Variants in RPS6KC1 observed in about 807,000 individuals in gnomAD.
RPS6KC1 encodes inactive ribosomal protein S6 kinase delta-1.
RPS6KC1 carries 54 observed loss-of-function variants against 103.8 expected under a neutral mutation model. The ratio of observed to expected loss-of-function variants is 0.52; its 90% CI spans 0.42 to 0.65. RPS6KC1 has a LOEUF of 0.65. Ranked by LOEUF, RPS6KC1 falls within the 30% of genes least tolerant of loss-of-function variation. RPS6KC1 has a pLI of 0.00. For synonymous variants in RPS6KC1, 439 were observed against 438.7 expected (o/e 1.00, Z -0.01); for missense variants, 1,151 against 1,253.8 (o/e 0.92, Z 1.24).
intron 14 of RPS6KC1, among the ~76,000 whole-genome samples, chr1:213,267,097 AG>A (rs1395442378): frequency 6.6e-6 from 1 of 151,878 alleles, no homozygotes; most frequent in African/African-American, 2.4e-5. Flanking sequence ...GCACAGGAAC[AG>A]GGAGTGGGCC....
chr1:213,253,678 C>T (rs779227340), intron 12 of RPS6KC1, among the ~76,000 whole-genome samples: 11 of 152,112 alleles, frequency 7.2e-5, no homozygotes, highest in Non-Finnish European at 1.5e-4. Context: ...CTTAGATAAA[C>T]GTATGTCATG....
chr1:213,060,468 G>A (rs1012180587), intron 1 of RPS6KC1, among the ~76,000 whole-genome samples: 4 of 152,152 alleles, frequency 2.6e-5, no homozygotes, highest in Admixed American at 6.5e-5. Context: ...GGCTCTCAAG[G>A]TGTCTTGTGT....
chr1:213,803,241 T>A, the RPS6KC1 span, among the ~76,000 whole-genome samples: 1 of 114,030 alleles, frequency 8.8e-6, no homozygotes, highest in East Asian at 3.4e-4. Context: ...AGGCAGTGGC[T>A]TTTTTTTTTT....
At chr1:213,462,866 G>T in the RPS6KC1 span, among the ~76,000 whole-genome samples, 1 of 152,106 alleles carries the variant, frequency 6.6e-6, no homozygotes, top group African/African-American at 2.4e-5. Flanking sequence ...AAACCTGCAC[G>T]TTTGGCACAT....
In RPS6KC1 at chr1:213,156,671, T is replaced by C. The variant is rs554143085; in HGVS notation, c.836-11187T>C. Among the ~76,000 whole-genome samples, 21 of 152,266 alleles carry C rather than the reference T, an allele frequency of 1.4e-4. 1 individual carries two copies. Among genetic ancestry groups the C allele is most frequent in the African/African-American group, 5.1e-4 (21 of 41,552 alleles). ...CGTGTTGAAAACAATGTAAGAGAGATGACAATTGATGAATATATCTGAGTA... is the reference window on the plus strand; with the variant it reads ...CGTGTTGAAAACAATGTAAGAGAGACGACAATTGATGAATATATCTGAGTA... On this transcript the variant is annotated intron_variant, in intron 6 of 14. Coordinates refer to ENST00000366960, the MANE Select transcript of RPS6KC1 (RefSeq NM_012424.6).
chr1:213,083,041 G>T (rs546929878), intron 3 of RPS6KC1, among the ~76,000 whole-genome samples: 1 of 152,120 alleles, frequency 6.6e-6, no homozygotes. Flanking sequence ...TATCACTTTT[G>T]TTTAATTGAG....
At chr1:213,400,793 G>A in the RPS6KC1 span, among the ~76,000 whole-genome samples, 45 of 151,298 alleles carry the variant, frequency 3.0e-4, no homozygotes, top group Non-Finnish European at 5.2e-4. Context: ...TGCAAGCTCC[G>A]CCTTCCAGGT....
the RPS6KC1 span, among the ~76,000 whole-genome samples, chr1:213,564,655 C>T: frequency 6.6e-6 from 1 of 152,288 alleles, no homozygotes; most frequent in East Asian, 1.9e-4. Flanking sequence ...TACCCCTTTT[C>T]CTCAAAGGTC....
At chr1:213,544,410 A>G in the RPS6KC1 span, among the ~76,000 whole-genome samples, 1 of 152,184 alleles carries the variant, frequency 6.6e-6, no homozygotes. Flanking sequence ...CACTTTTTAT[A>G]TACAGGAATT....
chr1:213,593,012 A>G, the RPS6KC1 span, among the ~76,000 whole-genome samples: 1 of 152,186 alleles, frequency 6.6e-6, no homozygotes, highest in Non-Finnish European at 1.5e-5. Context: ...CTCACATATG[A>G]TAAGAAGAAA....
At chr1:213,263,829 A>T (rs367730577) in intron 14 of RPS6KC1, among the ~76,000 whole-genome samples, 2 of 152,194 alleles carry the variant, frequency 1.3e-5, no homozygotes, top group East Asian at 1.9e-4. Flanking sequence ...TACTGTGGCA[A>T]GTCAAAAGAA....
intron 4 of RPS6KC1, among the ~76,000 whole-genome samples, chr1:213,115,910 C>T (rs1375661756): frequency 2.6e-5 from 4 of 152,172 alleles, no homozygotes; most frequent in East Asian, 1.9e-4. Flanking sequence ...GCACTGTGGT[C>T]TGAGAGATAT....
chr1:213,532,335 G>A, the RPS6KC1 span, among the ~76,000 whole-genome samples: 1 of 124,554 alleles, frequency 8.0e-6, no homozygotes, highest in Non-Finnish European at 1.8e-5. Flanking sequence ...AGATTTATAG[G>A]TCAGGAGTTA....
intron 1 of RPS6KC1, among the ~76,000 whole-genome samples, chr1:213,058,949 T>C (rs867143910): frequency 2.0e-5 from 3 of 152,356 alleles, no homozygotes; most frequent in Middle Eastern, 3.4e-3. Flanking sequence ...TTTGTGGTTT[T>C]GAGCAAATTG....
At chr1:213,268,926 A>AG (rs1366533520) in intron 14 of RPS6KC1, among the ~76,000 whole-genome samples, 2 of 152,192 alleles carry the variant, frequency 1.3e-5, no homozygotes, top group African/African-American at 4.8e-5. Flanking sequence ...ACACAAAAGA[A>AG]GGCAGTAAAG....
intron 2 of RPS6KC1, among the ~76,000 whole-genome samples, 182 bp downstream of exon 2, chr1:213,071,223 G>A (rs2078844955): frequency 6.6e-6 from 1 of 152,090 alleles, no homozygotes; most frequent in Non-Finnish European, 1.5e-5. Flanking sequence ...TCTGCCTCCT[G>A]GGTTCAAGTG....
intron 1 of RPS6KC1, among the ~76,000 whole-genome samples, chr1:213,061,532 G>C (rs1334385418): frequency 6.6e-6 from 1 of 151,884 alleles, no homozygotes; most frequent in Non-Finnish European, 1.5e-5. Flanking sequence ...GAGTTGGTAA[G>C]GTAACAATTG....
chr1:213,576,863 A>G, the RPS6KC1 span, among the ~76,000 whole-genome samples: 1 of 152,232 alleles, frequency 6.6e-6, no homozygotes, highest in African/African-American at 2.4e-5. Flanking sequence ...TCAAGTTACA[A>G]ATGCAAAGAA....
At chr1:213,533,667 G>A in the RPS6KC1 span, among the ~76,000 whole-genome samples, 1 of 152,170 alleles carries the variant, frequency 6.6e-6, no homozygotes, top group Non-Finnish European at 1.5e-5. Flanking sequence ...TTGAAAGCCA[G>A]CCTCTTGTTT....
Sources: gnomAD v4.1 joint callset for allele counts (sites outside exome capture counted in the v4.1 genomes callset) on GRCh38, gnomAD v4.1.1 for gene constraint, MANE v1.5 for transcripts, NCBI Gene and HGNC (gene_info 2026-07-23, HGNC 2026-07-21) for gene names.